Variants in LAMA3 observed in about 807,000 individuals in gnomAD.
The protein encoded by LAMA3 is laminin subunit alpha-3.
In LAMA3, 281 loss-of-function variants were observed where a neutral mutation model predicts 402.0. The ratio of observed to expected loss-of-function variants is 0.70; its 90% CI spans 0.63 to 0.77. LAMA3 has a LOEUF of 0.77. LAMA3 is among the 30% of genes least tolerant of loss of function. LAMA3 has a pLI of 0.00. For missense variants in LAMA3, 3,840 were observed against 4,215.5 expected (o/e 0.91, Z 2.47); for synonymous variants, 1,431 against 1,558.4 (o/e 0.92, Z 1.93).
rs188662963 is a variant in LAMA3, at chr18:23,910,335, A to G, written c.7158+1040A>G. The stretch of plus-strand genomic sequence containing the variant: ...GGTCTATAGAGCATAGAAAGTACCA[A>G]CCTCATGAGATTGTTAGGGTTAAAT... On this transcript the variant is annotated intron_variant, in intron 55 of 74. Coordinates refer to ENST00000313654, the MANE Select transcript of LAMA3 (RefSeq NM_198129.4). Among the ~76,000 whole-genome samples the G allele has an allele frequency of 4.3e-4, 65 of 152,230 alleles. 1 individual carries two copies. Among genetic ancestry groups the G allele is most frequent in the Non-Finnish European group, 6.5e-4 (44 of 68,014 alleles).
At chr18:23,944,982 C>G (rs963503660) in intron 69 of LAMA3, among the ~76,000 whole-genome samples, 2 of 151,884 alleles carry the variant, frequency 1.3e-5, no homozygotes, top group Admixed American at 1.3e-4. Flanking sequence ...AAAATACAAA[C>G]ATTAGCTGGG....
chr18:23,731,246 A>G (rs972085957), intron 2 of LAMA3, among the ~76,000 whole-genome samples: 1 of 152,212 alleles, frequency 6.6e-6, no homozygotes, highest in Non-Finnish European at 1.5e-5. Flanking sequence ...TGGGATAATA[A>G]TATGTGTGTT....
chr18:23,883,277 T>C (rs2064962004), intron 40 of LAMA3, among the ~76,000 whole-genome samples: 1 of 152,116 alleles, frequency 6.6e-6, no homozygotes, highest in Non-Finnish European at 1.5e-5. Flanking sequence ...GCCTCCAGAG[T>C]GACCAATAGA....
intron 12 of LAMA3, among the ~76,000 whole-genome samples, chr18:23,789,218 T>A (rs2062604773): frequency 6.6e-6 from 1 of 152,148 alleles, no homozygotes; most frequent in East Asian, 1.9e-4. Context: ...CATACATTGA[T>A]GGTGGGAATG....
intron 67 of LAMA3, among the ~76,000 whole-genome samples, chr18:23,938,740 C>T (rs1296132698): frequency 6.6e-6 from 1 of 152,002 alleles, no homozygotes; most frequent in Non-Finnish European, 1.5e-5. Flanking sequence ...GGGCACCAGG[C>T]AGCCACTGGT....
intron 70 of LAMA3, among the ~76,000 whole-genome samples, chr18:23,948,521 C>T (rs1173408998): frequency 6.6e-6 from 1 of 151,974 alleles, no homozygotes; most frequent in Non-Finnish European, 1.5e-5. Flanking sequence ...CAGTAGTTTA[C>T]TGTTGATGCT....
chr18:23,883,464 A>T (rs2064968995), intron 40 of LAMA3, among the ~76,000 whole-genome samples: 4 of 152,266 alleles, frequency 2.6e-5, no homozygotes, highest in Admixed American at 2.6e-4. Flanking sequence ...TACTGAGAAC[A>T]TCTCACTAGT....
intron 2 of LAMA3, among the ~76,000 whole-genome samples, chr18:23,736,905 C>T (rs1331096249): frequency 6.6e-6 from 1 of 152,196 alleles, no homozygotes; most frequent in Admixed American, 6.5e-5. Context: ...AGAGGCCCCT[C>T]TCCAGAATGC....
intron 68 of LAMA3, among the ~76,000 whole-genome samples, chr18:23,943,485 A>G (rs115831713): frequency 7.1e-4 from 108 of 152,326 alleles, no homozygotes; most frequent in African/African-American, 2.5e-3. Context: ...ACTTTTTATA[A>G]AAGATTCAGA....
At chr18:23,942,316 CA>C (rs2082551316) in intron 68 of LAMA3, among the ~76,000 whole-genome samples, 1 of 152,196 alleles carries the variant, frequency 6.6e-6, no homozygotes, top group African/African-American at 2.4e-5. Context: ...TTGACATCTG[CA>C]TCTCCCACGA....
At chr18:23,844,719 T>C (rs1362365329) in intron 29 of LAMA3, among the ~76,000 whole-genome samples, 3 of 152,230 alleles carry the variant, frequency 2.0e-5, no homozygotes, top group African/African-American at 4.8e-5. Flanking sequence ...TCTGAAATGA[T>C]TGGGACCAGC....
At position 23,775,842 on chromosome 18, in the gene LAMA3, C is replaced by A. The variant is rs536413197; in HGVS notation, c.1324C>A (p.Arg442Ser). The part of the protein sequence containing the change: ...HADGCEQGSG[R>S]CHCKPNFHGD... ...GGATGGCTGTGAACAGGGTTCAGGC[C>A]GCTGTCACTGCAAGCCAAATTTCCA... The change falls in exon 10 of 75, where the codon CGC becomes AGC. Residue 442 changes from arginine (R) to serine (S), a missense_variant. Arg to Ser is a moderately radical substitution (Grantham distance 110). Transcript: ENST00000313654. 1 of 1,613,952 alleles carries A rather than the reference C, an allele frequency of 6.2e-7. No individual in the cohort carries two copies. The highest frequency in any genetic ancestry group is 1.7e-5 in the Admixed American group (1 of 60,018).
intron 70 of LAMA3, among the ~76,000 whole-genome samples, chr18:23,947,414 GTGA>G (rs1413044060): frequency 2.0e-5 from 3 of 152,170 alleles, no homozygotes; most frequent in Non-Finnish European, 4.4e-5. Context: ...ACATTTTGGT[GTGA>G]TGTTTGCTTG....
intron 1 of LAMA3, among the ~76,000 whole-genome samples, chr18:23,709,611 T>C (rs564322275): frequency 5.3e-5 from 8 of 152,196 alleles, no homozygotes; most frequent in Admixed American, 5.2e-4. Context: ...CATGAAGCAG[T>C]AAAGTTGGTA....
intron 2 of LAMA3, among the ~76,000 whole-genome samples, chr18:23,730,598 C>T (rs560628341): frequency 2.6e-5 from 4 of 152,166 alleles, no homozygotes; most frequent in African/African-American, 9.6e-5. Context: ...AACTCCTAAC[C>T]TCAGGTGATC....
chr18:23,862,883 T>C (rs1424004711), intron 35 of LAMA3, among the ~76,000 whole-genome samples: 1 of 152,068 alleles, frequency 6.6e-6, no homozygotes, highest in African/African-American at 2.4e-5. Context: ...TGGCTAGCTG[T>C]GGGCTGGAAG....
chr18:23,783,930 C>G, intron 11 of LAMA3, 93 bp from the exon 12 acceptor site: 1 of 1,465,944 alleles, frequency 6.8e-7, no homozygotes, highest in Non-Finnish European at 9.6e-7. Flanking sequence ...AATTAATAAT[C>G]TATATTCCCA....
At chr18:23,916,470 G>C (rs2081623914) in intron 59 of LAMA3, 81 bp from the exon 60 acceptor site, 1 of 1,505,266 alleles carries the variant, frequency 6.6e-7, no homozygotes, top group African/African-American at 1.4e-5. Flanking sequence ...TTTTCAGATA[G>C]CAACATCTTG....
In LAMA3 at chr18:23,909,197, GA is replaced by G; in HGVS notation, c.7063del (p.Ser2355ValfsTer22). 1 of 1,614,002 alleles carries G rather than the reference GA, an allele frequency of 6.2e-7. No individual in the cohort carries two copies. The highest frequency in any genetic ancestry group is 8.5e-7 in the Non-Finnish European group (1 of 1,179,954). ...NKLPDLWRKI[E>X]SINQQLLPLG... is the part of the protein sequence containing the mutation. ...ACTACCTGATCTTTGGCGCAAGATT[GA>G]AAGTATCAACCAACAGCTGTTGCCC... On this transcript the variant is annotated frameshift_variant, in exon 55 of 75. Coordinates refer to ENST00000313654, the MANE Select transcript of LAMA3 (RefSeq NM_198129.4). LOFTEE classifies it high-confidence loss of function.
Sources: allele counts gnomAD v4.1 joint callset (sites outside exome capture counted in the v4.1 genomes callset), GRCh38; gene constraint gnomAD v4.1.1; transcripts MANE v1.5; gene names NCBI Gene and HGNC (gene_info 2026-07-23, HGNC 2026-07-21).